The following CCDC171 variants were observed in gnomAD, a reference collection of about 807,000 sequenced individuals.
CCDC171 encodes coiled-coil domain-containing protein 171.
Under a neutral mutation model 168.2 loss-of-function variants are expected in CCDC171, and 177 were observed. That is an observed-to-expected ratio of 1.05 (90% CI 0.93 to 1.19). The LOEUF (loss-of-function observed/expected upper bound fraction) is 1.19, where lower values mean the gene tolerates loss of function less well. CCDC171 is among the 50% of genes most tolerant of loss of function. The pLI, the probability that CCDC171 is intolerant of heterozygous loss-of-function variation, is 0.00. For missense variants in CCDC171, 1,991 were observed against 1,539.0 expected, an observed-to-expected ratio of 1.29 and a Z score of -4.91; for synonymous variants, 687 against 540.8, an observed-to-expected ratio of 1.27 and a Z score of -3.75.
rs762340086 is a variant in CCDC171, at chr9:15,591,362, A to G, written c.353-4A>G. 5.1e-6 allele frequency: 8 copies of G among 1,562,820 alleles called. No homozygotes were observed. The highest frequency in any genetic ancestry group is 7.0e-6 in the Non-Finnish European group (8 of 1,146,216). On this transcript the variant is annotated splice_region_variant and splice_polypyrimidine_tract_variant and intron_variant, in intron 4 of 25. Transcript: ENST00000380701. ...AAATGTACCTATTATTCTATTCTTAATAGCACAGAATTCAGAACTTCAAGC... is the reference window on the plus strand; with the variant it reads ...AAATGTACCTATTATTCTATTCTTAGTAGCACAGAATTCAGAACTTCAAGC...
intron 21 of CCDC171, among the ~76,000 whole-genome samples, chr9:15,809,675 C>T (rs543163028): frequency 7.2e-5 from 11 of 152,056 alleles, no homozygotes; most frequent in Non-Finnish European, 1.2e-4. Context: ...TCTCACTGGC[C>T]TCAGGAGTGA....
At chr9:15,627,303 G>A (rs959385004) in intron 7 of CCDC171, among the ~76,000 whole-genome samples, 1 of 151,630 alleles carries the variant, frequency 6.6e-6, no homozygotes, top group African/African-American at 2.4e-5. Context: ...AGGGTTTTTT[G>A]TGTCTTTATC....
At chr9:15,590,502 C>G (rs2131434856) in intron 4 of CCDC171, among the ~76,000 whole-genome samples, 1 of 152,270 alleles carries the variant, frequency 6.6e-6, no homozygotes, top group East Asian at 1.9e-4. Context: ...TGAAACAGAG[C>G]AGCAGTGTTA....
chr9:15,841,134 C>G (rs1483801292), intron 21 of CCDC171, among the ~76,000 whole-genome samples: 2 of 151,890 alleles, frequency 1.3e-5, no homozygotes, highest in South Asian at 4.2e-4. Context: ...GCTCATTTGC[C>G]CCATTTGTTG....
At chr9:15,758,344 G>A (rs547970056) in intron 18 of CCDC171, among the ~76,000 whole-genome samples, 17 of 152,326 alleles carry the variant, frequency 1.1e-4, no homozygotes, top group Admixed American at 1.3e-4. Flanking sequence ...GCTGGATTTT[G>A]GACTTGCGTG....
chr9:15,799,166 A>ATATATATATATATATATAT (rs2058701375), intron 21 of CCDC171, among the ~76,000 whole-genome samples: 1 of 130,466 alleles, frequency 7.7e-6, no homozygotes, highest in Non-Finnish European at 1.6e-5. Flanking sequence ...ATATATATAT[A>ATATATATATATATATATAT]CCATTTTGAT....
intron 14 of CCDC171, among the ~76,000 whole-genome samples, chr9:15,727,578 A>T (rs1157828607): frequency 1.3e-5 from 2 of 152,226 alleles, no homozygotes; most frequent in Non-Finnish European, 1.5e-5. Flanking sequence ...AAGCCTGAGC[A>T]GGTGTTTACT....
At chr9:15,758,006 T>G (rs922363229) in intron 18 of CCDC171, among the ~76,000 whole-genome samples, 3 of 152,114 alleles carry the variant, frequency 2.0e-5, no homozygotes, top group African/African-American at 7.2e-5. Context: ...GAACCTCTGC[T>G]AGGGTGGTGT....
At chr9:15,632,453 C>T (rs1473751455) in intron 7 of CCDC171, among the ~76,000 whole-genome samples, 2 of 151,960 alleles carry the variant, frequency 1.3e-5, no homozygotes, top group Non-Finnish European at 2.9e-5. Flanking sequence ...ACCTAGGAAT[C>T]CAACTTACAA....
chr9:15,937,655 A>T (rs7866472), intron 25 of CCDC171, among the ~76,000 whole-genome samples: 6,866 of 152,116 alleles, frequency 0.045, 330 homozygotes, highest in South Asian at 0.12. Context: ...ATAAAGAGTC[A>T]TAATTCTCAT....
At position 15,620,188 on chromosome 9, in the gene CCDC171, C is replaced by T. The variant is rs373870969; in HGVS notation, c.676-3079C>T. 2.6e-5 allele frequency among the ~76,000 whole-genome samples: 4 copies of T among 152,268 alleles called. 1 individual carries two copies. The highest frequency in any genetic ancestry group is 1.3e-4 in the Admixed American group (2 of 15,292). On this transcript the variant is annotated intron_variant, in intron 6 of 25. Transcript: ENST00000380701. ...CAATGAAGAATTTTGACTTTCAAGT[C>T]TTATTACTTAAGAAATACATTTCAT...
At chr9:16,061,562 A>G (rs1833931184), downstream of CCDC171, 1 of 152,234 alleles carries the variant, frequency 6.6e-6, no homozygotes, top group Non-Finnish European at 1.5e-5. Context: ...AGAAAAAAGT[A>G]TAACTAACTG....
At chr9:16,041,765 C>T (rs915517061), upstream of CCDC171, among the ~76,000 whole-genome samples, 1 of 152,176 alleles carries the variant, frequency 6.6e-6, no homozygotes, top group African/African-American at 2.4e-5. Context: ...TTCTTGGCCA[C>T]ACCTTCTGGA....
rs543954174 is a variant in CCDC171 at position 15,970,098 on chromosome 9, C to T, written c.3754-1511C>T. ...TTCCAGTATAAAAAGAGATGATTTC[C>T]GTCAGCTATTGGCCTGCAGTAGAGT... On this transcript the variant is annotated intron_variant, in intron 25 of 25. Coordinates refer to ENST00000380701, the MANE Select transcript of CCDC171 (RefSeq NM_173550.4). Among the ~76,000 whole-genome samples the T allele has an allele frequency of 3.9e-5, 6 of 152,112 alleles. No homozygotes were observed. The East Asian group carries it at 9.6e-4, about 24-fold the overall frequency.
intron 21 of CCDC171, among the ~76,000 whole-genome samples, chr9:15,840,750 GT>G (rs1016096671): frequency 2.0e-5 from 3 of 151,752 alleles, no homozygotes; most frequent in African/African-American, 7.3e-5. Flanking sequence ...AGTTGAGAGG[GT>G]TTTTGTGGTT....
intron 4 of CCDC171, among the ~76,000 whole-genome samples, chr9:15,585,504 A>G (rs1409155772): frequency 6.6e-6 from 1 of 152,206 alleles, no homozygotes; most frequent in Non-Finnish European, 1.5e-5. Flanking sequence ...GTATGGTTCC[A>G]TTAACATAAA....
At chr9:15,834,849 C>G (rs1013580616) in intron 21 of CCDC171, among the ~76,000 whole-genome samples, 1 of 152,146 alleles carries the variant, frequency 6.6e-6, no homozygotes, top group Non-Finnish European at 1.5e-5. Flanking sequence ...AAACAGGATG[C>G]TACTTTATGG....
At chr9:15,604,529 T>C (rs2043084141) in intron 6 of CCDC171, among the ~76,000 whole-genome samples, 1 of 152,236 alleles carries the variant, frequency 6.6e-6, no homozygotes. Flanking sequence ...AGTTATCCTT[T>C]CCTTATTCAT....
At chr9:15,622,026 A>G (rs1462661972) in intron 6 of CCDC171, among the ~76,000 whole-genome samples, 1 of 152,258 alleles carries the variant, frequency 6.6e-6, no homozygotes, top group Non-Finnish European at 1.5e-5. Context: ...AAACTAACAC[A>G]GGAACAGAAA....
Sources: gnomAD v4.1 joint callset for allele counts (sites outside exome capture counted in the v4.1 genomes callset) on GRCh38, gnomAD v4.1.1 for gene constraint, MANE v1.5 for transcripts, NCBI Gene and HGNC (gene_info 2026-07-23, HGNC 2026-07-21) for gene names.